The following OS9 variants were observed in gnomAD, a reference collection of about 807,000 sequenced individuals.
OS9 encodes protein OS-9.
Under a neutral mutation model 84.7 loss-of-function variants are expected in OS9, and 58 were observed. That is an observed-to-expected ratio of 0.68 (90% CI 0.55 to 0.85). The LOEUF is 0.85. Among genes scored for constraint, OS9 ranks in the 40% least tolerant of loss-of-function variants. The pLI is 0.00. For missense variants in OS9, 760 were observed against 850.9 expected, an observed-to-expected ratio of 0.89 and a Z score of 1.33; for synonymous variants, 278 against 320.8, an observed-to-expected ratio of 0.87 and a Z score of 1.43.
chr12:57,719,335 C>A, intron 12 of OS9, 153 bp downstream of exon 12: 1 of 638,996 alleles, frequency 1.6e-6, no homozygotes. Flanking sequence ...GCCTGCTTCC[C>A]AACACCATCA....
Position 57,695,906 on chromosome 12 carries a change from C to T in OS9, c.404-56C>T, listed in dbSNP as rs77586884. On this transcript the variant is annotated intron_variant, in intron 3 of 14. Transcript: ENST00000315970. ...CATATCATGGAAGTTCCCCAGTTCC[C>T]TCCTCCTCCTCCTCCTCTTAAGAGT... is the stretch of plus-strand genomic sequence containing the variant. 11,705 of 1,421,890 alleles carry T rather than the reference C, an allele frequency of 8.2e-3. 545 individuals carry two copies. The African/African-American group carries it at 0.12, about 14-fold the overall frequency. 88.1% of individuals were successfully genotyped at this position (1,421,890 alleles called of 1,614,324 possible). A position where few individuals can be genotyped will look rare whatever the true frequency, so the allele number is the denominator to read the frequency against.
chr12:57,708,374 G>A (rs1006296877), intron 5 of OS9, among the ~76,000 whole-genome samples: 8 of 151,966 alleles, frequency 5.3e-5, no homozygotes, highest in Admixed American at 4.6e-4. Context: ...GCTCATGCCT[G>A]TAATCCTAGC....
At chr12:57,706,398 C>G (rs551316426) in intron 5 of OS9, among the ~76,000 whole-genome samples, 1 of 151,280 alleles carries the variant, frequency 6.6e-6, no homozygotes, top group South Asian at 2.1e-4. Flanking sequence ...GTATAATTAA[C>G]TTTTATAACT....
chr12:57,716,556 G>C (rs1954505416), intron 8 of OS9, 44 bp downstream of exon 8: 1 of 1,532,020 alleles, frequency 6.5e-7, no homozygotes, highest in South Asian at 1.1e-5. Context: ...GATGGGGAGG[G>C]TCACTGCAGC....
At chr12:57,716,842 G>A in intron 9 of OS9, 98 bp downstream of exon 9, 1 of 1,046,952 alleles carries the variant, frequency 9.6e-7, no homozygotes, top group Non-Finnish European at 1.5e-6. Context: ...AGGTTGGGTA[G>A]CCAGGCCGGC....
chr12:57,696,400 A>AACTTCCCT, intron 5 of OS9, 27 bp downstream of exon 5: 1 of 1,156,122 alleles, frequency 8.6e-7, no homozygotes, highest in Non-Finnish European at 1.2e-6. Context: ...GGAAGTTGAC[A>AACTTCCCT]CTCCCACAGG....
intron 5 of OS9, among the ~76,000 whole-genome samples, chr12:57,707,333 G>T (rs567217713): frequency 1.3e-5 from 2 of 152,282 alleles, no homozygotes; most frequent in East Asian, 3.9e-4. Flanking sequence ...AGGTTTAATT[G>T]TCTCACAGTT....
intron 5 of OS9, among the ~76,000 whole-genome samples, chr12:57,697,546 G>A (rs931492603): frequency 1.3e-5 from 2 of 152,176 alleles, no homozygotes; most frequent in African/African-American, 2.4e-5. Context: ...ATTTACTGAA[G>A]TGTGAAGGAA....
intron 3 of OS9, 57 bp from the exon 4 acceptor site, chr12:57,695,905 C>T (rs1953813868): frequency 3.5e-6 from 5 of 1,418,544 alleles, no homozygotes; most frequent in Admixed American, 1.7e-5. Flanking sequence ...TCCCCAGTTC[C>T]CTCCTCCTCC....
chr12:57,709,571 G>A (rs1373162122), intron 5 of OS9, among the ~76,000 whole-genome samples: 2 of 152,138 alleles, frequency 1.3e-5, no homozygotes, highest in Admixed American at 1.3e-4. Flanking sequence ...TTGAAAGCAT[G>A]TCTTTTCTCC....
chr12:57,718,854 G>A (rs908912582), intron 11 of OS9, 139 bp from the exon 12 acceptor site: 24 of 666,242 alleles, frequency 3.6e-5, no homozygotes, highest in Admixed American at 1.3e-4. Context: ...GCAGTGAGCC[G>A]AGACGGCACC....
rs373535216 is a variant in OS9 at position 57,716,008 on chromosome 12, C to T, written c.790+38C>T. 60 of 1,600,668 alleles carry T rather than the reference C, an allele frequency of 3.7e-5. 1 individual carries two copies. The South Asian group carries it at 4.0e-4, about 11-fold the overall frequency. On this transcript the variant is annotated intron_variant, in intron 6 of 14. Coordinates refer to ENST00000315970, the MANE Select transcript of OS9 (RefSeq NM_006812.4). ...AGAAGGAGGAGAAGACGGGGAGATA[C>T]GGGGGCAGGGGGTGGCAAAAGATCA...
intron 5 of OS9, among the ~76,000 whole-genome samples, chr12:57,697,927 A>AAG (rs1565767158): frequency 3.8e-5 from 3 of 79,432 alleles, no homozygotes; most frequent in Non-Finnish European, 5.3e-5. Flanking sequence ...ACACACATAC[A>AAG]CACACACACA....
intron 5 of OS9, among the ~76,000 whole-genome samples, chr12:57,705,312 C>A (rs1328200883): frequency 2.6e-5 from 4 of 152,130 alleles, no homozygotes; most frequent in Non-Finnish European, 5.9e-5. Context: ...AATATGAAGT[C>A]TTCATACACT....
In OS9 at chr12:57,716,415, C is replaced by G. The variant is rs374016366; in HGVS notation, c.896C>G (p.Ala299Gly). The change falls in exon 8 of 15, where the codon GCG becomes GGG. Residue 299 changes from alanine to glycine, a missense_variant. Physicochemically the swap from Ala to Gly is moderately conservative, Grantham distance 60. Coordinates refer to ENST00000315970, the MANE Select transcript of OS9 (RefSeq NM_006812.4). ...SGVAPQKMAG[A>G]SPTKDDSKDS... is the part of the protein sequence containing the mutation. Reference sequence around the variant, plus strand: ...CTCCCTGTTCTCTGTACCCTAGGTGCGAGCCCGACCAAGGATGACAGTAAG... The same window carrying G: ...CTCCCTGTTCTCTGTACCCTAGGTGGGAGCCCGACCAAGGATGACAGTAAG... 6.4e-7 allele frequency: 1 copy of G among 1,553,904 alleles called. No individual in the cohort carries two copies. Among genetic ancestry groups the G allele is most frequent in the East Asian group, 2.4e-5 (1 of 41,434 alleles).
At chr12:57,700,246 G>T (rs1436014106) in intron 5 of OS9, among the ~76,000 whole-genome samples, 1 of 152,172 alleles carries the variant, frequency 6.6e-6, no homozygotes, top group Non-Finnish European at 1.5e-5. Flanking sequence ...TTTTAAGATG[G>T]AACAGACTAG....
chr12:57,694,985 CTG>C (rs2140283505), intron 2 of OS9, 59 bp downstream of exon 2: 1 of 1,479,200 alleles, frequency 6.8e-7, no homozygotes, highest in African/African-American at 1.4e-5. Context: ...CATCCAAGAA[CTG>C]GAGTCCACTG....
At chr12:57,713,373 C>T (rs1438341547) in intron 5 of OS9, among the ~76,000 whole-genome samples, 1 of 152,182 alleles carries the variant, frequency 6.6e-6, no homozygotes, top group Non-Finnish European at 1.5e-5. Flanking sequence ...CTTGGAAGGA[C>T]ATTCCTGCTT....
chr12:57,714,705 C>T (rs1954432014), intron 5 of OS9, among the ~76,000 whole-genome samples: 1 of 152,156 alleles, frequency 6.6e-6, no homozygotes, highest in Admixed American at 6.5e-5. Context: ...AAGGGATCTT[C>T]CTGCCTCAGT....
Sources: allele counts gnomAD v4.1 joint callset (sites outside exome capture counted in the v4.1 genomes callset), GRCh38; gene constraint gnomAD v4.1.1; transcripts MANE v1.5; gene names NCBI Gene and HGNC (gene_info 2026-07-23, HGNC 2026-07-21).